LRRC37A: variants seen among roughly 807,000 people sequenced by gnomAD.
LRRC37A encodes leucine rich repeat containing 37A, also known as leucine-rich repeat-containing protein 37A.
LRRC37A carries 3 observed loss-of-function variants against 35.4 expected under a neutral mutation model. The observed-to-expected ratio is 0.08, with a 90% CI of 0.04 to 0.22. The LOEUF (loss-of-function observed/expected upper bound fraction) is 0.22, where lower values mean the gene tolerates loss of function less well. LRRC37A is among the 10% of genes least tolerant of loss of function. LRRC37A has a pLI of 1.00. For synonymous variants in LRRC37A, 23 were observed against 215.0 expected (o/e 0.11, Z 7.81); for missense variants, 67 against 565.3 (o/e 0.12, Z 8.94).
At chr17:46,290,658 G>A (rs1050181046), upstream of LRRC37A, among the ~76,000 whole-genome samples, 1 of 152,208 alleles carries the variant, frequency 6.6e-6, no homozygotes, top group African/African-American at 2.4e-5. Context: ...TGTTAGCCAG[G>A]CTGGTCTCGA....
At chr17:46,281,197 T>C in the LRRC37A span, among the ~76,000 whole-genome samples, 1 of 152,270 alleles carries the variant, frequency 6.6e-6, no homozygotes, top group East Asian at 1.9e-4. Context: ...TCCACCTGGC[T>C]TATAATGTTT....
At chr17:46,260,889 C>G in the LRRC37A span, among the ~76,000 whole-genome samples, 1 of 152,232 alleles carries the variant, frequency 6.6e-6, no homozygotes, top group Non-Finnish European at 1.5e-5. Flanking sequence ...TCGCATAGTG[C>G]TGGGATTACA....
At chr17:46,275,427 T>C in the LRRC37A span, 2 of 941,010 alleles carry the variant, frequency 2.1e-6, no homozygotes, top group Non-Finnish European at 3.2e-6. Flanking sequence ...ACCTACAGAG[T>C]ATAGAAAAAG....
chr17:46,286,829 A>C, the LRRC37A span, among the ~76,000 whole-genome samples: 5 of 152,256 alleles, frequency 3.3e-5, no homozygotes, highest in South Asian at 1.0e-3. Flanking sequence ...ATACAGTACA[A>C]TTCCTCACTG....
chr17:46,265,708 G>C, the LRRC37A span, among the ~76,000 whole-genome samples: 1 of 152,100 alleles, frequency 6.6e-6, no homozygotes, highest in African/African-American at 2.4e-5. Context: ...GAACTCCTGA[G>C]CTCAAGAGAT....
At chr17:46,285,416 A>AT in the LRRC37A span, among the ~76,000 whole-genome samples, 1 of 151,560 alleles carries the variant, frequency 6.6e-6, no homozygotes, top group South Asian at 2.1e-4. Context: ...AGTTTTTTGT[A>AT]TTTTTAGTAG....
chr17:46,277,430 T>C, the LRRC37A span, among the ~76,000 whole-genome samples: 7,133 of 151,548 alleles, frequency 0.047, 1,004 homozygotes, highest in East Asian at 0.47. Flanking sequence ...TACCTCACAG[T>C]TACCACCAAA....
At chr17:46,254,303 T>A in the LRRC37A span, among the ~76,000 whole-genome samples, 1 of 152,072 alleles carries the variant, frequency 6.6e-6, no homozygotes, top group Non-Finnish European at 1.5e-5. Flanking sequence ...ACTCAGTGGG[T>A]CCAGAGGTCC....
At chr17:46,254,630 C>T in the LRRC37A span, among the ~76,000 whole-genome samples, 2 of 151,768 alleles carry the variant, frequency 1.3e-5, no homozygotes, top group Middle Eastern at 3.2e-3. Context: ...CAACCTCCAC[C>T]TCCTGGGTTG....
Position 46,314,457 on chromosome 17 carries a change from G to A in LRRC37A, c.2907-7865G>A, listed in dbSNP as rs1371533397. ...TTTTGCACATAGATGTTCAGGTGAC[G>A]CCATTGCACTCAAGCCTGGGCAACA... On this transcript the variant is annotated intron_variant, in intron 5 of 13. Transcript: ENST00000320254. 1.2e-4 allele frequency among the ~76,000 whole-genome samples: 10 copies of A among 81,450 alleles called. 3 individuals carry two copies. Among genetic ancestry groups the A allele is most frequent in the African/African-American group, 2.3e-4 (7 of 30,844 alleles). 53.4% of individuals were successfully genotyped at this position (81,450 alleles called of 152,430 possible).
the LRRC37A span, among the ~76,000 whole-genome samples, chr17:46,258,871 C>T: frequency 0.15 from 21,979 of 150,944 alleles, 2,135 homozygotes; most frequent in Non-Finnish European, 0.22. Context: ...CCTGCCACCA[C>T]GCCCGGCTAA....
chr17:46,275,285 C>A, the LRRC37A span: 1 of 598,218 alleles, frequency 1.7e-6, no homozygotes, highest in Non-Finnish European at 2.8e-6. Flanking sequence ...CAAGTCTTGT[C>A]AGGATAGCCT....
chr17:46,277,915 T>A, the LRRC37A span, among the ~76,000 whole-genome samples: 7 of 152,142 alleles, frequency 4.6e-5, no homozygotes, highest in Non-Finnish European at 8.8e-5. Context: ...GTGCTAGGAT[T>A]ACGGACATGA....
chr17:46,280,499 AC>A, the LRRC37A span, among the ~76,000 whole-genome samples: 1 of 151,776 alleles, frequency 6.6e-6, no homozygotes, highest in Non-Finnish European at 1.5e-5. Context: ...ATATAGCAAG[AC>A]CCTGTCCCTA....
the LRRC37A span, among the ~76,000 whole-genome samples, chr17:46,256,554 C>T: frequency 2.0e-5 from 3 of 152,194 alleles, no homozygotes; most frequent in Non-Finnish European, 4.4e-5. Flanking sequence ...GACTTCCCAG[C>T]CTCCAGAACT....
chr17:46,261,808 C>T, the LRRC37A span, among the ~76,000 whole-genome samples: 19,485 of 151,428 alleles, frequency 0.13, 1 homozygote, highest in Middle Eastern at 0.2. Context: ...CTGATAAAAC[C>T]GGGTTATACT....
At chr17:46,275,958 T>C in the LRRC37A span, among the ~76,000 whole-genome samples, 1 of 152,218 alleles carries the variant, frequency 6.6e-6, no homozygotes, top group Non-Finnish European at 1.5e-5. Flanking sequence ...AGGCGCGATC[T>C]TGGCTCACTG....
At chr17:46,254,262 G>T in the LRRC37A span, among the ~76,000 whole-genome samples, 4 of 150,798 alleles carry the variant, frequency 2.7e-5, no homozygotes, top group Non-Finnish European at 4.5e-5. Context: ...TTCACATGAA[G>T]AATTTTTGCT....
At chr17:46,261,769 A>C in the LRRC37A span, among the ~76,000 whole-genome samples, 3 of 152,048 alleles carry the variant, frequency 2.0e-5, no homozygotes, top group Admixed American at 1.3e-4. Context: ...GAAGAAGAAA[A>C]AGAAACAAGT....
Sources: allele counts gnomAD v4.1 joint callset (sites outside exome capture counted in the v4.1 genomes callset), GRCh38; gene constraint gnomAD v4.1.1; transcripts MANE v1.5; gene names NCBI Gene and HGNC (gene_info 2026-07-23, HGNC 2026-07-21).